STYXL1: variants seen among roughly 807,000 people sequenced by gnomAD.
STYXL1 encodes serine/threonine/tyrosine-interacting-like protein 1.
STYXL1 carries 32 observed loss-of-function variants against 36.4 expected under a neutral mutation model. The ratio of observed to expected loss-of-function variants is 0.88; its 90% CI spans 0.66 to 1.18. STYXL1 has a LOEUF of 1.18. Among genes scored for constraint, STYXL1 ranks in the 50% most tolerant of loss-of-function variants. The pLI, the probability that STYXL1 is intolerant of heterozygous loss-of-function variation, is 0.00. For missense variants in STYXL1, 354 were observed against 394.1 expected (o/e 0.90, Z 0.86); for synonymous variants, 133 against 144.1 (o/e 0.92, Z 0.55).
At chr7:76,001,318 C>T (rs1585175888) in intron 7 of STYXL1, among the ~76,000 whole-genome samples, 1 of 152,342 alleles carries the variant, frequency 6.6e-6, no homozygotes, top group East Asian at 1.9e-4. Flanking sequence ...ATGGGGCGGA[C>T]AGGACCATCG....
chr7:76,042,390 CT>C (rs528469396), intron 1 of STYXL1, among the ~76,000 whole-genome samples: 132 of 41,754 alleles, frequency 3.2e-3, no homozygotes, highest in African/African-American at 6.4e-3. Flanking sequence ...CCCTTATGTG[CT>C]TTTTTTTTTT....
chr7:76,000,948 CTGATACCT>C lies in STYXL1; in HGVS notation c.744_751del (p.Gly249ProfsTer13). On this transcript the variant is annotated frameshift_variant, in exon 8 of 9. Transcript: ENST00000359697. LOFTEE classifies it high-confidence loss of function. Reference sequence around the variant, plus strand: ...GGCTATGATGGCGGCACAACTGCGGCTGATACCTTGGGTGGAAAAGATCAGAATGACAG... The same window carrying C: ...GGCTATGATGGCGGCACAACTGCGGCTGGGTGGAAAAGATCAGAATGACAG... The C allele has an allele frequency of 6.2e-7, 1 of 1,614,182 alleles. No individual in the cohort carries two copies. The highest frequency in any genetic ancestry group is 8.5e-7 in the Non-Finnish European group (1 of 1,180,014).
intron 1 of STYXL1, among the ~76,000 whole-genome samples, chr7:76,033,753 A>G (rs782054651): frequency 5.9e-5 from 9 of 152,064 alleles, no homozygotes; most frequent in Non-Finnish European, 1.2e-4. Flanking sequence ...TCTTCTTTCC[A>G]GCAGAAGCGT....
intron 5 of STYXL1, among the ~76,000 whole-genome samples, chr7:76,006,182 C>T (rs1189869896): frequency 6.6e-6 from 1 of 152,090 alleles, no homozygotes; most frequent in East Asian, 1.9e-4. Context: ...AATGCTTCTC[C>T]TACCTCAGCC....
chr7:76,006,972 G>C (rs1791855171), intron 5 of STYXL1, among the ~76,000 whole-genome samples: 1 of 152,056 alleles, frequency 6.6e-6, no homozygotes, highest in Non-Finnish European at 1.5e-5. Flanking sequence ...AGCAACCTTG[G>C]ATGAAAAATA....
intron 1 of STYXL1, among the ~76,000 whole-genome samples, chr7:76,046,352 G>C (rs1466570480): frequency 9.2e-6 from 1 of 108,168 alleles, no homozygotes; most frequent in South Asian, 3.1e-4. Context: ...GCGCGCGCGC[G>C]CGCGCGCTTT....
At chr7:75,997,511 A>G (rs1790280181) in intron 8 of STYXL1, among the ~76,000 whole-genome samples, 1 of 152,218 alleles carries the variant, frequency 6.6e-6, no homozygotes, top group African/African-American at 2.4e-5. Flanking sequence ...ATCACACTCA[A>G]TGGCGAAAGA....
intron 5 of STYXL1, among the ~76,000 whole-genome samples, chr7:76,013,325 C>CAAAAAAAAAAAA (rs782742797): frequency 1.2e-5 from 1 of 80,708 alleles, no homozygotes; most frequent in African/African-American, 4.9e-5. Flanking sequence ...GACTCCGTCT[C>CAAAAAAAAAAAA]AAAAAAAAAA....
At chr7:76,022,087 A>G in intron 3 of STYXL1, 95 bp from the exon 4 acceptor site, 1 of 1,530,352 alleles carries the variant, frequency 6.5e-7, no homozygotes. Flanking sequence ...GGGAGGAGCT[A>G]AGACCGCACT....
Position 76,028,834 on chromosome 7 carries a change from G to C in STYXL1, c.104-131C>G, listed in dbSNP as rs1017432498. The C allele has an allele frequency of 7.3e-5, 61 of 837,960 alleles. No individual in the cohort carries two copies. The South Asian group carries it at 8.7e-4, about 12-fold the overall frequency. The allele number at this position is 837,960 out of a possible 1,614,324, so 51.9% of individuals were successfully genotyped here. On this transcript the variant is annotated intron_variant, in intron 2 of 8. Transcript: ENST00000359697. ...GATAGTCATTGTCAGTTTAAAACTT[G>C]AGATGTGGGGCTGGGCGCGGTGGCA... is the stretch of plus-strand genomic sequence containing the variant.
Position 75,999,511 on chromosome 7 carries a change from A to ATATGTGTGTGTGTGTG in STYXL1, c.810+1378_810+1379insCACACACACACACATA, listed in dbSNP as rs1554565620. On this transcript the variant is annotated intron_variant, in intron 8 of 8. Coordinates refer to ENST00000359697, the MANE Select transcript of STYXL1 (RefSeq NM_001317785.2). The stretch of plus-strand genomic sequence containing the variant: ...TTTTGTTGTGTGTGTGTGTGTGTGT[A>ATATGTGTGTGTGTGTG]TGTGTGTGTGTGTGTGTGTGTGTGT... 3.5e-4 allele frequency among the ~76,000 whole-genome samples: 34 copies of ATATGTGTGTGTGTGTG among 95,968 alleles called. 2 individuals are homozygous for ATATGTGTGTGTGTGTG. In the South Asian group the frequency reaches 5.6e-3, roughly 16 times the overall value. The allele number at this position is 95,968 out of a possible 152,430, so 63.0% of individuals were successfully genotyped here.
intron 8 of STYXL1, among the ~76,000 whole-genome samples, chr7:75,999,551 G>GTGTGTA (rs1421403301): frequency 2.5e-4 from 20 of 80,130 alleles, no homozygotes; most frequent in Middle Eastern, 4.8e-3. Flanking sequence ...GTGTGTGTGT[G>GTGTGTA]TATATTTTTT....
At chr7:76,042,099 T>G (rs1190599362) in intron 1 of STYXL1, among the ~76,000 whole-genome samples, 1 of 152,202 alleles carries the variant, frequency 6.6e-6, no homozygotes, top group Non-Finnish European at 1.5e-5. Context: ...TGTGAGTCTG[T>G]GTATATGTCT....
At chr7:76,029,897 C>T (rs1795134609) in intron 2 of STYXL1, among the ~76,000 whole-genome samples, 1 of 152,178 alleles carries the variant, frequency 6.6e-6, no homozygotes, top group Non-Finnish European at 1.5e-5. Flanking sequence ...GATGAAGCTT[C>T]TGCTTCACCT....
In STYXL1 at chr7:76,000,944, G is replaced by T. The variant is rs782520453; in HGVS notation, c.756C>A (p.Arg252=). 3 of 1,614,218 alleles carry T rather than the reference G, an allele frequency of 1.9e-6. No individual in the cohort carries two copies. Among genetic ancestry groups the T allele is most frequent in the South Asian group, 1.1e-5 (1 of 91,090 alleles). ...GGTAGGCTATGATGGCGGCACAACT[G>T]CGGCTGATACCTTGGGTGGAAAAGA... ...ILIFSTQGIS[R]SCAAIIAYLM... The change falls in exon 8 of 9, where the codon CGC becomes CGA. Residue 252 remains arginine, a synonymous_variant. Transcript: ENST00000359697.
chr7:76,001,479 A>C (rs1303003188), intron 7 of STYXL1, among the ~76,000 whole-genome samples: 2 of 146,422 alleles, frequency 1.4e-5, no homozygotes, highest in South Asian at 2.2e-4. Flanking sequence ...TCTCCTCTCT[A>C]CTCCTCTCTC....
At chr7:76,027,834 C>T (rs1216292273) in intron 3 of STYXL1, among the ~76,000 whole-genome samples, 6 of 151,852 alleles carry the variant, frequency 4.0e-5, no homozygotes, top group Admixed American at 2.0e-4. Flanking sequence ...CAGGCTTAGG[C>T]GGCTCACATG....
At chr7:76,037,876 C>T (rs558652684) in intron 1 of STYXL1, among the ~76,000 whole-genome samples, 2 of 150,024 alleles carry the variant, frequency 1.3e-5, no homozygotes, top group Non-Finnish European at 3.0e-5. Context: ...TGTTCTGGTT[C>T]GCGGTGGGAA....
In STYXL1 at chr7:76,030,549, C is replaced by G. The variant is rs74464293; in HGVS notation, c.-4-22G>C. The stretch of plus-strand genomic sequence containing the variant: ...CCTGCTGGGAAGAATCAATAACACA[C>G]AAGGGTAACATAACTCTATTTTAGA... On this transcript the variant is annotated intron_variant, in intron 1 of 8. Coordinates refer to ENST00000359697, the MANE Select transcript of STYXL1 (RefSeq NM_001317785.2). The G allele has an allele frequency of 0.013, 18,076 of 1,418,658 alleles. 812 individuals are homozygous for G. In the East Asian group the frequency reaches 0.15, roughly 12 times the overall value. The allele number at this position is 1,418,658 out of a possible 1,614,324, so 87.9% of individuals were successfully genotyped here.
Sources: allele counts gnomAD v4.1 joint callset (sites outside exome capture counted in the v4.1 genomes callset), GRCh38; gene constraint gnomAD v4.1.1; transcripts MANE v1.5; gene names NCBI Gene and HGNC (gene_info 2026-07-23, HGNC 2026-07-21).